Variants in NECAB2 observed in about 807,000 individuals in gnomAD.
NECAB2 encodes the protein N-terminal EF-hand calcium-binding protein 2.
A neutral mutation model predicts 51.9 loss-of-function variants in NECAB2; 68 were observed. That is an observed-to-expected ratio of 1.31 (90% CI 1.08 to 1.60). NECAB2 has a LOEUF of 1.60. Among genes scored for constraint, NECAB2 ranks in the 40% most tolerant of loss-of-function variants. NECAB2 has a pLI of 0.00. For synonymous variants in NECAB2, 329 were observed against 203.5 expected (o/e 1.62, Z -5.25); for missense variants, 854 against 490.3 (o/e 1.74, Z -7.00).
At chr16:83,991,767 C>T (rs1317992484) in intron 6 of NECAB2, among the ~76,000 whole-genome samples, 1 of 151,812 alleles carries the variant, frequency 6.6e-6, no homozygotes, top group African/African-American at 2.4e-5. Flanking sequence ...CCACCTCAGC[C>T]TCCCAAGGAG....
chr16:83,992,069 C>T lies in NECAB2; in HGVS notation c.596+1439C>T, dbSNP rs575845338. ...AAAAATAAGCACCTGTCATTGTTTA[C>T]GATCCAGCTTGAATCCTGAGGCTTG... is the stretch of plus-strand genomic sequence containing the variant. On this transcript the variant is annotated intron_variant, in intron 6 of 12. Transcript: ENST00000305202. Among the ~76,000 whole-genome samples, 6 of 152,288 alleles carry T rather than the reference C, an allele frequency of 3.9e-5. No individual in the cohort carries two copies. In the South Asian group the frequency reaches 1.0e-3, roughly 26 times the overall value.
At position 83,990,706 on chromosome 16, in the gene NECAB2, G is replaced by A. The variant is rs532968111; in HGVS notation, c.596+76G>A. ...CACGTGCCCACCTGCTGCTTGGTGG[G>A]GATGTCTGTGTACCTAAGAGCTGGG... is the stretch of plus-strand genomic sequence containing the variant. On this transcript the variant is annotated intron_variant, in intron 6 of 12. Transcript: ENST00000305202. 1.9e-4 allele frequency: 292 copies of A among 1,569,586 alleles called. 2 individuals carry two copies. The South Asian group carries it at 3.2e-3, about 17-fold the overall frequency.
intron 2 of NECAB2, among the ~76,000 whole-genome samples, chr16:83,977,124 C>T (rs1028531720): frequency 7.2e-5 from 11 of 152,184 alleles, no homozygotes; most frequent in Admixed American, 1.3e-4. Flanking sequence ...AGGAAGGTGC[C>T]ATGTGGACTC....
At chr16:83,994,215 G>C in intron 6 of NECAB2, 87 bp from the exon 7 acceptor site, 1 of 1,207,096 alleles carries the variant, frequency 8.3e-7, no homozygotes, top group African/African-American at 1.5e-5. Flanking sequence ...ACTGTCTTGC[G>C]TAATAAATGC....
chr16:83,978,973 C>G (rs2084451256), intron 3 of NECAB2, among the ~76,000 whole-genome samples: 1 of 152,152 alleles, frequency 6.6e-6, no homozygotes, highest in Admixed American at 6.5e-5. Flanking sequence ...CTGTGTTAAA[C>G]CAAACACGAA....
rs1313162522 is a variant in NECAB2, at chr16:83,980,770, CTG to C, written c.336-66_336-65del. The C allele has an allele frequency of 3.3e-6, 5 of 1,524,746 alleles. No individual in the cohort carries two copies. In the African/African-American group the frequency reaches 6.9e-5, roughly 21 times the overall value. The allele number at this position is 1,524,746 out of a possible 1,614,324, so 94.5% of individuals were successfully genotyped here. A position where few individuals can be genotyped will look rare whatever the true frequency, so the allele number is the denominator to read the frequency against. On this transcript the variant is annotated intron_variant, in intron 3 of 12. Coordinates refer to ENST00000305202, the MANE Select transcript of NECAB2 (RefSeq NM_019065.3). Reference sequence around the variant, plus strand: ...GCAGGCAGGATGTGTGTTTCGCAGGCTGTGCAGGGTCAGGCCTGCTAACCCCC... The same window carrying C: ...GCAGGCAGGATGTGTGTTTCGCAGGCTGCAGGGTCAGGCCTGCTAACCCCC...
Position 83,981,143 on chromosome 16 carries a change from T to G in NECAB2, c.459+16T>G, listed in dbSNP as rs369060681. 300 of 1,563,762 alleles carry G rather than the reference T, an allele frequency of 1.9e-4. No individual in the cohort carries two copies. In the African/African-American group the frequency reaches 4.7e-3, roughly 24 times the overall value. ...TACCAAGAAGGTCAGTGGGTGTAGGTGGCCCCCGGGGTCCAGGGCTCCAGT... is the reference window on the plus strand; with the variant it reads ...TACCAAGAAGGTCAGTGGGTGTAGGGGGCCCCCGGGGTCCAGGGCTCCAGT... On this transcript the variant is annotated intron_variant, in intron 5 of 12. Coordinates refer to ENST00000305202, the MANE Select transcript of NECAB2 (RefSeq NM_019065.3).
chr16:83,980,805 C>G (rs1364289918), intron 3 of NECAB2, 34 bp from the exon 4 acceptor site: 6 of 1,559,298 alleles, frequency 3.8e-6, no homozygotes, highest in African/African-American at 1.4e-5. Flanking sequence ...CCCTCTCTGT[C>G]TCTGTCTGTC....
intron 3 of NECAB2, 40 bp downstream of exon 3, chr16:83,978,592 G>A: frequency 6.6e-7 from 1 of 1,523,734 alleles, no homozygotes; most frequent in East Asian, 2.3e-5. Flanking sequence ...GGGTGTGTGT[G>A]GGCTGTGGTG....
In NECAB2 at chr16:84,001,834, G is replaced by A. The variant is rs751591175; in HGVS notation, c.1050G>A (p.Gln350=). Residue 350 remains glutamine (Q), a synonymous_variant, in exon 12 of 13, where the codon CAG becomes CAA. Coordinates refer to ENST00000305202, the MANE Select transcript of NECAB2 (RefSeq NM_019065.3). ...ETEEAWKRHL[Q]SPLCKAFRHV... ...TGTCCCTGCGTCACAGGCACCTGCAGAGCCCCCTGTGTAAGGCGTTCCGGC... is the reference window on the plus strand; with the variant it reads ...TGTCCCTGCGTCACAGGCACCTGCAAAGCCCCCTGTGTAAGGCGTTCCGGC... 81 of 1,613,926 alleles carry A rather than the reference G, an allele frequency of 5.0e-5. No homozygotes were observed. Among genetic ancestry groups the A allele is most frequent in the Non-Finnish European group, 6.4e-5 (76 of 1,179,948 alleles).
chr16:83,990,187 C>T (rs1055214630), intron 5 of NECAB2, among the ~76,000 whole-genome samples: 4 of 152,196 alleles, frequency 2.6e-5, no homozygotes, highest in South Asian at 2.1e-4. Flanking sequence ...ATTGTACACG[C>T]ATGTTGCTGT....
At chr16:84,000,903 C>A (rs997868637) in intron 11 of NECAB2, 102 bp downstream of exon 11, 14 of 1,174,556 alleles carry the variant, frequency 1.2e-5, no homozygotes, top group African/African-American at 7.5e-5. Flanking sequence ...AAGGCCGAGT[C>A]CAGTCAGCAG....
chr16:83,981,186 C>G (rs1403203216), intron 5 of NECAB2, 59 bp downstream of exon 5: 4 of 1,403,006 alleles, frequency 2.9e-6, no homozygotes, highest in Admixed American at 1.7e-5. Context: ...CAGTTCCACC[C>G]TTGCCTAAGG....
upstream of NECAB2, chr16:83,965,180 TG>T (rs1336724454): frequency 4.3e-6 from 7 of 1,612,984 alleles, no homozygotes; most frequent in African/African-American, 1.3e-5. Flanking sequence ...AGCCGTGGAG[TG>T]GGGGACCCCC....
rs1254335312 is a variant in NECAB2 at position 83,980,897 on chromosome 16, G to T, written c.361+33G>T. On this transcript the variant is annotated intron_variant, in intron 4 of 12. Coordinates refer to ENST00000305202, the MANE Select transcript of NECAB2 (RefSeq NM_019065.3). ...CCTGGCTATGCTGGGACCAAGATGGGGATGCTGGGATGGGGCTGGATGAGA... is the reference window on the plus strand; with the variant it reads ...CCTGGCTATGCTGGGACCAAGATGGTGATGCTGGGATGGGGCTGGATGAGA... 3 of 1,613,526 alleles carry T rather than the reference G, an allele frequency of 1.9e-6. No homozygotes were observed. The African/African-American group carries it at 4.0e-5, about 22-fold the overall frequency.
chr16:83,981,152 G>C, intron 5 of NECAB2, 25 bp downstream of exon 5: 1 of 1,576,854 alleles, frequency 6.3e-7, no homozygotes. Context: ...GTGGCCCCCG[G>C]GGTCCAGGGC....
intron 5 of NECAB2, among the ~76,000 whole-genome samples, chr16:83,988,216 C>A (rs1042223055): frequency 6.6e-6 from 1 of 152,076 alleles, no homozygotes; most frequent in Non-Finnish European, 1.5e-5. Flanking sequence ...TTGCTTTATT[C>A]GGTCTGACTG....
intron 1 of NECAB2, among the ~76,000 whole-genome samples, chr16:83,971,067 C>G (rs1473022435): frequency 6.6e-6 from 1 of 151,266 alleles, no homozygotes; most frequent in African/African-American, 2.4e-5. Flanking sequence ...GCACTCCAGC[C>G]TGGGTGACAG....
chr16:83,989,879 C>G (rs1421834139), intron 5 of NECAB2, among the ~76,000 whole-genome samples: 1 of 152,192 alleles, frequency 6.6e-6, no homozygotes, highest in African/African-American at 2.4e-5. Flanking sequence ...TCCCCCCAGG[C>G]TCCTCTCTGG....
Sources: allele counts gnomAD v4.1 joint callset (sites outside exome capture counted in the v4.1 genomes callset), GRCh38; gene constraint gnomAD v4.1.1; transcripts MANE v1.5; gene names NCBI Gene and HGNC (gene_info 2026-07-23, HGNC 2026-07-21).